The following ADPRH variants were observed in gnomAD, a reference collection of about 807,000 sequenced individuals.
ADPRH encodes the protein ADP-ribose-L-arginine cleaving enzyme.
A neutral mutation model predicts 28.8 loss-of-function variants in ADPRH; 27 were observed. That is an observed-to-expected ratio of 0.94 (90% confidence interval 0.69 to 1.29). The LOEUF is 1.29. ADPRH is among the 50% of genes most tolerant of loss of function. The pLI, the probability that ADPRH is intolerant of heterozygous loss-of-function variation, is 0.00. For missense variants in ADPRH, 419 were observed against 444.8 expected (o/e 0.94, Z 0.52); for synonymous variants, 161 against 166.9 (o/e 0.96, Z 0.27).
chr3:119,580,746 T>A (rs938357252), intron 2 of ADPRH, 110 bp downstream of exon 2: 1 of 152,098 alleles, frequency 6.6e-6, no homozygotes, highest in Non-Finnish European at 1.5e-5. Context: ...GATGGAGGGC[T>A]TTGACCTGAA....
chr3:119,587,788 T>C lies in ADPRH; in HGVS notation c.984T>C (p.Tyr328=), dbSNP rs776518157. 15 of 1,614,020 alleles carry C rather than the reference T, an allele frequency of 9.3e-6. No individual in the cohort carries two copies. Among genetic ancestry groups the C allele is most frequent in the Non-Finnish European group, 1.3e-5 (15 of 1,180,014 alleles). ...YGFKGVSPSN[Y]EKLEYRNRLE... ...TTAAAGGAGTGAGTCCCTCCAACTATGAGAAACTAGAATACAGAAACCGGC... is the reference window on the plus strand; with the variant it reads ...TTAAAGGAGTGAGTCCCTCCAACTACGAGAAACTAGAATACAGAAACCGGC... The change falls in exon 5 of 5, where the codon TAT becomes TAC. Residue 328 remains tyrosine (Y), a synonymous_variant. Transcript: ENST00000357003.
In ADPRH at chr3:119,582,203, G is replaced by A; in HGVS notation, c.34G>A (p.Ala12Thr). ...EKYVAAMVLS[A>T]AGDALGYYNG... is the part of the protein sequence containing the mutation. ...GTATGTGGCTGCTATGGTGCTGAGT[G>A]CAGCTGGAGATGCCCTGGGGTACTA... The change falls in exon 3 of 5, where the codon GCA (alanine) becomes ACA (threonine). Residue 12 changes from alanine to threonine, a missense_variant. By Grantham distance (58) the Ala-to-Thr change is moderately conservative. Transcript: ENST00000357003. 1 of 1,613,166 alleles carries A rather than the reference G, an allele frequency of 6.2e-7. No individual in the cohort carries two copies. The highest frequency in any genetic ancestry group is 2.2e-5 in the East Asian group (1 of 44,846).
In ADPRH at chr3:119,587,941, T is replaced by C. The variant is rs1384253711; in HGVS notation, c.*63T>C. 9.4e-6 allele frequency: 14 copies of C among 1,493,890 alleles called. No individual in the cohort carries two copies. Among genetic ancestry groups the C allele is most frequent in the Non-Finnish European group, 3.6e-6 (4 of 1,124,376 alleles). 92.5% of individuals were successfully genotyped at this position (1,493,890 alleles called of 1,614,324 possible). A position where few individuals can be genotyped will look rare whatever the true frequency, so the allele number is the denominator to read the frequency against. ...GTGTATTTCCTTTTCTGCTATTTCT[T>C]TTCAGTTTTTCCAAAGTCAAGAGTC... On this transcript the variant is annotated 3_prime_UTR_variant, in exon 5 of 5. Transcript: ENST00000357003.
At chr3:119,580,991 T>C (rs2082400423) in intron 2 of ADPRH, among the ~76,000 whole-genome samples, 1 of 152,150 alleles carries the variant, frequency 6.6e-6, no homozygotes, top group Non-Finnish European at 1.5e-5. Context: ...AGAACACCCA[T>C]TTTCCCTGGT....
intron 2 of ADPRH, among the ~76,000 whole-genome samples, chr3:119,580,959 G>T (rs2082400097): frequency 6.6e-6 from 1 of 151,672 alleles, no homozygotes; most frequent in South Asian, 2.1e-4. Context: ...GTTGTGGGGA[G>T]AAAATGTTCT....
intron 3 of ADPRH, 132 bp downstream of exon 3, chr3:119,582,599 C>T (rs755386188): frequency 2.7e-5 from 30 of 1,107,414 alleles, no homozygotes; most frequent in East Asian, 1.3e-4. Flanking sequence ...ATAGAAATAA[C>T]GGCCATGGTG....
At chr3:119,585,097 A>G (rs903672455) in intron 3 of ADPRH, among the ~76,000 whole-genome samples, 2 of 152,180 alleles carry the variant, frequency 1.3e-5, no homozygotes, top group Non-Finnish European at 2.9e-5. Flanking sequence ...CCTCCTGATG[A>G]AAGCTTCCCA....
Position 119,586,642 on chromosome 3 carries a change from A to G in ADPRH, c.656A>G (p.His219Arg), listed in dbSNP as rs2082463836. ...TACTTTGTAGAGGAAAATCTTCAAC[A>G]CTGGTGAGTCTGTAAGCGCACGCCC... Reference protein sequence around the residue: ...SGYFVEENLQHWSYFQTKWEN... With the variant: ...SGYFVEENLQRWSYFQTKWEN... Residue 219 changes from histidine to arginine, a missense_variant, in exon 4 of 5, where the codon CAC becomes CGC. Physicochemically the swap from His to Arg is conservative, Grantham distance 29. Transcript: ENST00000357003. The G allele has an allele frequency of 1.2e-6, 2 of 1,613,346 alleles. No individual in the cohort carries two copies. Among genetic ancestry groups the G allele is most frequent in the East Asian group, 4.5e-5 (2 of 44,890 alleles).
chr3:119,589,621 C>G lies in ADPRH; in HGVS notation c.*1743C>G, dbSNP rs894195142. On this transcript the variant is annotated 3_prime_UTR_variant, in exon 5 of 5. Coordinates refer to ENST00000357003, the MANE Select transcript of ADPRH (RefSeq NM_001125.4). ...GGAGGATCTTAGCATTTGTTGTTTT[C>G]TAGTGCAGGGCTTTAGCCACAATTG... 1.3e-5 allele frequency: 2 copies of G among 152,160 alleles called. No homozygotes were observed. The highest frequency in any genetic ancestry group is 1.3e-4 in the Admixed American group (2 of 15,286). The allele number at this position is 152,160 out of a possible 1,614,324, so 9.4% of individuals were successfully genotyped here.
chr3:119,583,190 C>T (rs1471167502), intron 3 of ADPRH, among the ~76,000 whole-genome samples: 1 of 152,132 alleles, frequency 6.6e-6, no homozygotes, highest in Non-Finnish European at 1.5e-5. Context: ...GATCGTGCCA[C>T]TGCATTCCAG....
chr3:119,582,335 G>A lies in ADPRH; in HGVS notation c.166G>A (p.Asp56Asn), dbSNP rs752998488. 13 of 1,614,048 alleles carry A rather than the reference G, an allele frequency of 8.1e-6. No individual in the cohort carries two copies. Among genetic ancestry groups the A allele is most frequent in the South Asian group, 2.2e-5 (2 of 91,078 alleles). The part of the protein sequence containing the change: ...LDVGRWRVSD[D>N]TVMHLATAEA... ...CGTGGGAAGGTGGAGAGTTAGTGAC[G>A]ACACAGTGATGCACTTGGCCACAGC... The change falls in exon 3 of 5, where the codon GAC becomes AAC. Residue 56 changes from aspartate (D) to asparagine (N), a missense_variant. Transcript: ENST00000357003.
Position 119,587,496 on chromosome 3 carries a change from T to C in ADPRH, c.692T>C (p.Leu231Pro), listed in dbSNP as rs2082473028. ...SYFQTKWENY[L>P]KLRGILDGES... ...TTCCAAACCAAATGGGAAAATTACCTAAAACTTAGAGGGATTTTGGATGGA... is the reference window on the plus strand; with the variant it reads ...TTCCAAACCAAATGGGAAAATTACCCAAAACTTAGAGGGATTTTGGATGGA... Residue 231 changes from leucine to proline, a missense_variant, in exon 5 of 5, where the codon CTA (leucine) becomes CCA (proline). Transcript: ENST00000357003. 1.1e-5 allele frequency: 18 copies of C among 1,567,910 alleles called. No homozygotes were observed. The highest frequency in any genetic ancestry group is 1.5e-5 in the Non-Finnish European group (17 of 1,156,622).
chr3:119,585,707 G>A (rs1050690867), intron 3 of ADPRH, among the ~76,000 whole-genome samples: 2 of 152,186 alleles, frequency 1.3e-5, no homozygotes, highest in Middle Eastern at 6.8e-3. Context: ...GTGTCACCAC[G>A]CCCGGCTAGT....
In ADPRH at chr3:119,588,009, G is replaced by A. The variant is rs1372410858; in HGVS notation, c.*131G>A. 1 of 1,010,244 alleles carries A rather than the reference G, an allele frequency of 9.9e-7. No individual in the cohort carries two copies. The highest frequency in any genetic ancestry group is 2.8e-5 in the Admixed American group (1 of 35,332). The allele number at this position is 1,010,244 out of a possible 1,614,324, so 62.6% of individuals were successfully genotyped here. ...GAATTTTGAGATAACAAGTCCCTTG[G>A]GCACCTTAAGCTCAGTTTTTTCAGG... On this transcript the variant is annotated 3_prime_UTR_variant, in exon 5 of 5. Coordinates refer to ENST00000357003, the MANE Select transcript of ADPRH (RefSeq NM_001125.4).
chr3:119,582,099 C>A, intron 2 of ADPRH, 35 bp from the exon 3 acceptor site: 2 of 1,176,790 alleles, frequency 1.7e-6, no homozygotes, highest in Non-Finnish European at 2.3e-6. Context: ...TCTTGCTCCT[C>A]ATCCTATTTC....
In ADPRH at chr3:119,587,428, T is replaced by A. The variant is rs777663051; in HGVS notation, c.660-36T>A. The A allele has an allele frequency of 3.4e-6, 5 of 1,470,862 alleles. No homozygotes were observed. The Admixed American group carries it at 1.2e-4, about 36-fold the overall frequency. 91.1% of individuals were successfully genotyped at this position (1,470,862 alleles called of 1,614,324 possible). A position where few individuals can be genotyped will look rare whatever the true frequency, so the allele number is the denominator to read the frequency against. On this transcript the variant is annotated intron_variant, in intron 4 of 4. Coordinates refer to ENST00000357003, the MANE Select transcript of ADPRH (RefSeq NM_001125.4). ...TTTTGTTATGACTTTTCACTTTATT[T>A]TTTTCAATTGACTCTAGATTTTTTC...
chr3:119,586,089 G>A (rs1039627463), intron 3 of ADPRH, among the ~76,000 whole-genome samples, 196 bp from the exon 4 acceptor site: 10 of 152,174 alleles, frequency 6.6e-5, no homozygotes, highest in African/African-American at 2.4e-4. Context: ...CTTTATTAGC[G>A]TTATCTTGCC....
At chr3:119,580,931 A>G (rs1192332872) in intron 2 of ADPRH, among the ~76,000 whole-genome samples, 1 of 152,160 alleles carries the variant, frequency 6.6e-6, no homozygotes, top group Non-Finnish European at 1.5e-5. Flanking sequence ...ATATTTAAAC[A>G]TTACTGTCGA....
chr3:119,587,546 T>C lies in ADPRH; in HGVS notation c.742T>C (p.Ser248Pro). 1 of 1,611,130 alleles carries C rather than the reference T, an allele frequency of 6.2e-7. No individual in the cohort carries two copies. The highest frequency in any genetic ancestry group is 8.5e-7 in the Non-Finnish European group (1 of 1,178,494). Reference sequence around the variant, plus strand: ...AGAATCAGCCCCTACCTTCCCTGAGTCTTTCGGTGTGAAGGAGAGGGATCA... The same window carrying C: ...AGAATCAGCCCCTACCTTCCCTGAGCCTTTCGGTGTGAAGGAGAGGGATCA... Reference protein sequence around the residue: ...DGESAPTFPESFGVKERDQFY... With the variant: ...DGESAPTFPEPFGVKERDQFY... The change falls in exon 5 of 5, where the codon TCT becomes CCT. Residue 248 changes from serine to proline, a missense_variant. Physicochemically the swap from Ser to Pro is moderately conservative, Grantham distance 74. Transcript: ENST00000357003.
Sources: gnomAD v4.1 joint callset for allele counts (sites outside exome capture counted in the v4.1 genomes callset) on GRCh38, gnomAD v4.1.1 for gene constraint, MANE v1.5 for transcripts, NCBI Gene and HGNC (gene_info 2026-07-23, HGNC 2026-07-21) for gene names.